Variants in QTMAN observed in about 807,000 individuals in gnomAD.
QTMAN encodes tRNA-queuosine alpha-mannosyltransferase.
At chr2:144,191,300 A>G in the QTMAN span, among the ~76,000 whole-genome samples, 1 of 152,222 alleles carries the variant, frequency 6.6e-6, no homozygotes, top group East Asian at 1.9e-4. Context: ...CTAATTATAC[A>G]ACAAGAAAAA....
chr2:144,049,250 G>C, the QTMAN span, among the ~76,000 whole-genome samples: 2 of 152,050 alleles, frequency 1.3e-5, no homozygotes, highest in Non-Finnish European at 2.9e-5. Context: ...TGTTTTCCTT[G>C]TTCACAGCAT....
chr2:143,959,526 A>C, the QTMAN span, among the ~76,000 whole-genome samples: 1 of 152,126 alleles, frequency 6.6e-6, no homozygotes, highest in Non-Finnish European at 1.5e-5. Flanking sequence ...ATGTATATGA[A>C]GCACCTAGCA....
At chr2:144,022,830 G>A in the QTMAN span, among the ~76,000 whole-genome samples, 1 of 151,766 alleles carries the variant, frequency 6.6e-6, no homozygotes, top group Admixed American at 6.5e-5. Flanking sequence ...CCAAAGTGTT[G>A]GGATTACAGG....
At chr2:143,998,426 C>T in the QTMAN span, among the ~76,000 whole-genome samples, 28 of 149,786 alleles carry the variant, frequency 1.9e-4, no homozygotes, top group Non-Finnish European at 3.0e-4. Context: ...CCAATAAAGA[C>T]GACAGAAGGG....
chr2:144,027,314 G>A, the QTMAN span, among the ~76,000 whole-genome samples: 5,829 of 152,116 alleles, frequency 0.038, 154 homozygotes, highest in East Asian at 0.078. Context: ...TTGTCACATC[G>A]GGTTTTACTT....
the QTMAN span, among the ~76,000 whole-genome samples, chr2:144,105,463 G>A: frequency 2.6e-5 from 4 of 152,198 alleles, no homozygotes; most frequent in Non-Finnish European, 4.4e-5. Flanking sequence ...GAATGCACAC[G>A]TTTCAGTAGC....
At chr2:144,262,388 T>G in the QTMAN span, among the ~76,000 whole-genome samples, 1 of 151,318 alleles carries the variant, frequency 6.6e-6, no homozygotes, top group Non-Finnish European at 1.5e-5. Context: ...CAAAACACTA[T>G]CTCTAAAAAA....
the QTMAN span, among the ~76,000 whole-genome samples, chr2:144,322,858 T>A: frequency 6.6e-6 from 1 of 152,188 alleles, no homozygotes; most frequent in African/African-American, 2.4e-5. Flanking sequence ...GTTATACAGA[T>A]ATTACAAATC....
chr2:143,985,999 T>C, the QTMAN span, among the ~76,000 whole-genome samples: 7 of 152,158 alleles, frequency 4.6e-5, no homozygotes, highest in Admixed American at 6.5e-5. Context: ...ATAGTACCAG[T>C]AAGTATTAAA....
the QTMAN span, among the ~76,000 whole-genome samples, chr2:144,225,972 T>C: frequency 6.6e-6 from 1 of 152,220 alleles, no homozygotes; most frequent in African/African-American, 2.4e-5. Context: ...CAATATTCAG[T>C]TAATGTATTC....
chr2:144,228,753 G>A, the QTMAN span, among the ~76,000 whole-genome samples: 1 of 152,206 alleles, frequency 6.6e-6, no homozygotes, highest in Non-Finnish European at 1.5e-5. Context: ...GAGGTCAGGA[G>A]TTCGAGATGA....
the QTMAN span, among the ~76,000 whole-genome samples, chr2:144,201,381 A>G: frequency 1.3e-5 from 2 of 152,208 alleles, no homozygotes; most frequent in Non-Finnish European, 2.9e-5. Flanking sequence ...GTGCTGCCAC[A>G]GCACATTAAC....
At chr2:144,277,753 A>ATT in the QTMAN span, among the ~76,000 whole-genome samples, 1 of 152,048 alleles carries the variant, frequency 6.6e-6, no homozygotes, top group African/African-American at 2.4e-5. Flanking sequence ...TTAAGATAAG[A>ATT]TTTTAAGACA....
chr2:143,999,408 G>T, the QTMAN span, among the ~76,000 whole-genome samples: 1 of 151,286 alleles, frequency 6.6e-6, no homozygotes, highest in African/African-American at 2.4e-5. Context: ...AAGAGAAACA[G>T]GAGGAATATT....
the QTMAN span, among the ~76,000 whole-genome samples, chr2:144,024,229 T>A: frequency 6.6e-6 from 1 of 152,226 alleles, no homozygotes; most frequent in African/African-American, 2.4e-5. Context: ...CATTCCAATT[T>A]TATAGGACTC....
At chr2:144,049,404 G>T in the QTMAN span, among the ~76,000 whole-genome samples, 74 of 152,210 alleles carry the variant, frequency 4.9e-4, no homozygotes, top group African/African-American at 1.7e-3. Flanking sequence ...TGAAGTTACT[G>T]ATACGAGTTG....
chr2:144,036,536 A>G, the QTMAN span, among the ~76,000 whole-genome samples: 1 of 151,990 alleles, frequency 6.6e-6, no homozygotes, highest in East Asian at 1.9e-4. Flanking sequence ...ATTTAAAAAC[A>G]CTTCCTTACT....
the QTMAN span, among the ~76,000 whole-genome samples, chr2:144,325,387 G>A: frequency 2.6e-5 from 4 of 151,986 alleles, no homozygotes; most frequent in African/African-American, 9.7e-5. Flanking sequence ...CCACACTCTG[G>A]ATTCCTGTGT....
At chr2:144,154,538 T>C in the QTMAN span, among the ~76,000 whole-genome samples, 3 of 152,162 alleles carry the variant, frequency 2.0e-5, no homozygotes, top group Non-Finnish European at 4.4e-5. Context: ...TGAATATAAG[T>C]AGAGTGCCCA....
Sources: allele counts gnomAD v4.1 joint callset (sites outside exome capture counted in the v4.1 genomes callset), GRCh38; gene constraint gnomAD v4.1.1; transcripts MANE v1.5; gene names NCBI Gene and HGNC (gene_info 2026-07-23, HGNC 2026-07-21).